The following COL25A1 variants were observed in gnomAD, a reference collection of about 807,000 sequenced individuals.
The protein encoded by COL25A1 is collagen type XXV alpha 1 chain, also known as collagen alpha-1(XXV) chain.
A neutral mutation model predicts 128.4 loss-of-function variants in COL25A1; 103 were observed. The ratio of observed to expected loss-of-function variants is 0.80; its 90% CI spans 0.68 to 0.94. COL25A1 has a LOEUF of 0.94. Ranked by LOEUF, COL25A1 falls within the 40% of genes least tolerant of loss-of-function variation. The pLI, the probability that COL25A1 is intolerant of heterozygous loss-of-function variation, is 0.00. For synonymous variants in COL25A1, 279 were observed against 277.2 expected, an observed-to-expected ratio of 1.01 and a Z score of -0.06; for missense variants, 745 against 840.0, an observed-to-expected ratio of 0.89 and a Z score of 1.40.
At chr4:108,902,767 T>C (rs1342229043) in intron 13 of COL25A1, among the ~76,000 whole-genome samples, 1 of 151,964 alleles carries the variant, frequency 6.6e-6, no homozygotes, top group South Asian at 2.1e-4. Flanking sequence ...CTTTCCTTGG[T>C]AAAATGGGAA....
chr4:109,247,134 C>G (rs1307972974), intron 3 of COL25A1, among the ~76,000 whole-genome samples: 3 of 152,044 alleles, frequency 2.0e-5, no homozygotes, highest in African/African-American at 7.2e-5. Flanking sequence ...GAGGCCGAGG[C>G]GGGTGGATCA....
chr4:109,291,843 CAGTT>C (rs1724501995), intron 3 of COL25A1, among the ~76,000 whole-genome samples: 1 of 152,100 alleles, frequency 6.6e-6, no homozygotes, highest in South Asian at 2.1e-4. Flanking sequence ...GTACCATGCT[CAGTT>C]ACACAGTGCA....
At chr4:108,894,790 T>C (rs1333972995) in intron 16 of COL25A1, among the ~76,000 whole-genome samples, 1 of 152,224 alleles carries the variant, frequency 6.6e-6, no homozygotes, top group Non-Finnish European at 1.5e-5. Flanking sequence ...GTAATCAGGG[T>C]ATATCATTGG....
intron 3 of COL25A1, among the ~76,000 whole-genome samples, chr4:109,256,449 T>C (rs771382552): frequency 9.2e-5 from 14 of 152,126 alleles, no homozygotes; most frequent in Middle Eastern, 3.2e-3. Flanking sequence ...CCATTTCACA[T>C]GAATATCTGA....
intron 19 of COL25A1, among the ~76,000 whole-genome samples, chr4:108,877,368 ACAAAAAGTTC>A (rs1478880948): frequency 6.6e-6 from 1 of 152,126 alleles, no homozygotes; most frequent in East Asian, 1.9e-4. Context: ...TCTGCATGAA[ACAAAAAGTTC>A]CATTGTCAAT....
At chr4:108,841,603 A>C (rs949601258) in intron 31 of COL25A1, 92 bp downstream of exon 31, 54 of 1,047,548 alleles carry the variant, frequency 5.2e-5, no homozygotes, top group South Asian at 1.3e-4. Context: ...TACTTGACAA[A>C]TAAATAAGAT....
intron 3 of COL25A1, among the ~76,000 whole-genome samples, chr4:109,066,329 G>T (rs1229811888): frequency 6.6e-6 from 1 of 152,050 alleles, no homozygotes; most frequent in Non-Finnish European, 1.5e-5. Flanking sequence ...ACACAAAATG[G>T]GTACTCAAGG....
chr4:108,829,435 CATCT>C (rs1250708736), intron 32 of COL25A1, among the ~76,000 whole-genome samples: 6 of 142,276 alleles, frequency 4.2e-5, no homozygotes, highest in African/African-American at 7.9e-5. Flanking sequence ...ATCTATCTAT[CATCT>C]ATCTATCTGT....
chr4:109,211,234 A>G (rs202210670), intron 3 of COL25A1, among the ~76,000 whole-genome samples: 6 of 89,906 alleles, frequency 6.7e-5, no homozygotes, highest in Non-Finnish European at 1.1e-4. Context: ...GTGTGTGTGT[A>G]TGTATATATA....
In COL25A1 at chr4:108,974,554, A is replaced by G; in HGVS notation, c.444T>C (p.Pro148=). The stretch of plus-strand genomic sequence containing the variant: ...TTACCTTATCGCCTTTTGGACCAGG[A>G]GGGCCCTGAAAAAAAGAAAGAGAAA... ...GPPGQPGPQG[P]PGPKGDKGEQ... is the part of the protein sequence containing the mutation. Residue 148 remains proline (P), a synonymous_variant, in exon 7 of 38, where the codon CCT becomes CCC. Coordinates refer to ENST00000399132, the MANE Select transcript of COL25A1 (RefSeq NM_198721.4). 1.3e-6 allele frequency: 2 copies of G among 1,574,426 alleles called. No individual in the cohort carries two copies. The highest frequency in any genetic ancestry group is 1.7e-6 in the Non-Finnish European group (2 of 1,160,300).
At chr4:108,910,357 G>T (rs1028147013) in intron 13 of COL25A1, among the ~76,000 whole-genome samples, 2 of 152,160 alleles carry the variant, frequency 1.3e-5, no homozygotes, top group Non-Finnish European at 2.9e-5. Flanking sequence ...CACCTAAGAG[G>T]TTTCTGAATC....
chr4:108,974,463 AATGTAACACAGTAT>A, intron 7 of COL25A1, 56 bp downstream of exon 7: 1 of 1,607,242 alleles, frequency 6.2e-7, no homozygotes, highest in Non-Finnish European at 8.5e-7. Flanking sequence ...AAAAGATCAA[AATGTAACACAGTAT>A]AGGTCACGCC....
At chr4:109,051,395 A>T (rs1210469633) in intron 3 of COL25A1, among the ~76,000 whole-genome samples, 2 of 152,136 alleles carry the variant, frequency 1.3e-5, no homozygotes, top group Non-Finnish European at 2.9e-5. Flanking sequence ...AATAAAACCA[A>T]TAGAAAATAT....
At chr4:109,029,517 T>C (rs575257341) in intron 5 of COL25A1, among the ~76,000 whole-genome samples, 41 of 152,314 alleles carry the variant, frequency 2.7e-4, no homozygotes, top group African/African-American at 9.9e-4. Context: ...TGGTAGTATA[T>C]AGTTATAATT....
intron 3 of COL25A1, among the ~76,000 whole-genome samples, chr4:109,213,468 C>A (rs1309612104): frequency 6.6e-6 from 1 of 152,156 alleles, no homozygotes; most frequent in Non-Finnish European, 1.5e-5. Context: ...TTTCGTGATA[C>A]TTGTTCTTGG....
chr4:108,883,701 G>A (rs1289989469), intron 19 of COL25A1, among the ~76,000 whole-genome samples: 2 of 152,130 alleles, frequency 1.3e-5, no homozygotes, highest in African/African-American at 4.8e-5. Context: ...TTAGTAATAT[G>A]ATTTGTACTT....
intron 3 of COL25A1, among the ~76,000 whole-genome samples, chr4:109,124,417 G>A (rs1225284795): frequency 2.0e-5 from 3 of 151,934 alleles, no homozygotes; most frequent in Admixed American, 6.6e-5. Flanking sequence ...ATGATTTTGT[G>A]AAATTTTCCA....
chr4:109,031,124 A>C (rs1421944059), intron 5 of COL25A1, among the ~76,000 whole-genome samples: 1 of 151,510 alleles, frequency 6.6e-6, no homozygotes, highest in Admixed American at 6.6e-5. Flanking sequence ...ATTATATGCC[A>C]TATATTAAAG....
intron 3 of COL25A1, among the ~76,000 whole-genome samples, chr4:109,218,368 T>TTTTTTTTG (rs1778189305): frequency 1.2e-5 from 1 of 86,576 alleles, no homozygotes. Flanking sequence ...TTTTTTTTTT[T>TTTTTTTTG]TTTTTTTTTT....
Sources: allele counts gnomAD v4.1 joint callset (sites outside exome capture counted in the v4.1 genomes callset), GRCh38; gene constraint gnomAD v4.1.1; transcripts MANE v1.5; gene names NCBI Gene and HGNC (gene_info 2026-07-23, HGNC 2026-07-21).